KDM4C: variants seen among roughly 807,000 people sequenced by gnomAD.
KDM4C encodes lysine demethylase 4C.
KDM4C carries 81 observed loss-of-function variants against 129.3 expected under a neutral mutation model. That is an observed-to-expected ratio of 0.63 (90% CI 0.52 to 0.75). The LOEUF (loss-of-function observed/expected upper bound fraction) is 0.75. KDM4C is among the 30% of genes least tolerant of loss of function. The pLI, the probability that KDM4C is intolerant of heterozygous loss-of-function variation, is 0.00. For synonymous variants in KDM4C, 573 were observed against 456.1 expected, an observed-to-expected ratio of 1.26 and a Z score of -3.26; for missense variants, 1,457 against 1,304.0, an observed-to-expected ratio of 1.12 and a Z score of -1.81.
At chr9:6,777,192 C>G (rs1334652689) in intron 1 of KDM4C, among the ~76,000 whole-genome samples, 4 of 152,142 alleles carry the variant, frequency 2.6e-5, no homozygotes, top group Non-Finnish European at 4.4e-5. Flanking sequence ...GGGAAGAATT[C>G]TTTTTATTAA....
chr9:6,737,540 T>C lies in KDM4C; in HGVS notation c.49+16543T>C, dbSNP rs189937010. Among the ~76,000 whole-genome samples the C allele has an allele frequency of 9.8e-3, 1,493 of 151,574 alleles. 26 individuals carry two copies. Among genetic ancestry groups the C allele is most frequent in the African/African-American group, 0.034 (1,423 of 41,274 alleles). ...TTAGCTGGGCATGGTGGCAGGCACC[T>C]GTAATCCCAGTTACTTGGGAGCCTG... On this transcript the variant is annotated intron_variant, in intron 1 of 17. Transcript: ENST00000536108.
At chr9:6,966,271 C>G (rs983946713) in intron 8 of KDM4C, among the ~76,000 whole-genome samples, 5 of 152,116 alleles carry the variant, frequency 3.3e-5, no homozygotes, top group African/African-American at 9.7e-5. Context: ...CAAGCTCCGC[C>G]TTCCAGGTTC....
At chr9:6,941,112 C>T (rs1334836048) in intron 8 of KDM4C, among the ~76,000 whole-genome samples, 2 of 151,904 alleles carry the variant, frequency 1.3e-5, no homozygotes, top group South Asian at 4.2e-4. Flanking sequence ...CTCACTGCAA[C>T]CTCTGCCTCT....
At chr9:6,790,987 C>A (rs928497418) in intron 1 of KDM4C, among the ~76,000 whole-genome samples, 3 of 152,210 alleles carry the variant, frequency 2.0e-5, no homozygotes, top group African/African-American at 7.2e-5. Context: ...AAACTCCTGT[C>A]CGTTCCAGCG....
intron 18 of KDM4C, among the ~76,000 whole-genome samples, chr9:7,113,835 C>G (rs1838603598): frequency 6.6e-6 from 1 of 152,170 alleles, no homozygotes; most frequent in African/African-American, 2.4e-5. Context: ...AAGGCTCGTG[C>G]TGGAGAGCAT....
At chr9:7,025,522 A>G (rs1291998586) in intron 15 of KDM4C, among the ~76,000 whole-genome samples, 1 of 152,032 alleles carries the variant, frequency 6.6e-6, no homozygotes, top group African/African-American at 2.4e-5. Context: ...GGTATATGTT[A>G]TATGGTTTTT....
At chr9:6,924,086 C>A (rs1822036379) in intron 8 of KDM4C, among the ~76,000 whole-genome samples, 1 of 152,098 alleles carries the variant, frequency 6.6e-6, no homozygotes, top group Non-Finnish European at 1.5e-5. Context: ...ATATGGTAAT[C>A]CAGAATCCTT....
At chr9:6,738,292 C>G (rs1817591263) in intron 1 of KDM4C, among the ~76,000 whole-genome samples, 1 of 152,076 alleles carries the variant, frequency 6.6e-6, no homozygotes, top group African/African-American at 2.4e-5. Flanking sequence ...GCCTGACCAA[C>G]ATGGAGAAAC....
At position 6,776,666 on chromosome 9, in the gene KDM4C, G is replaced by C. The variant is rs549839228; in HGVS notation, c.-17-16306G>C. Among the ~76,000 whole-genome samples, 23 of 140,966 alleles carry C rather than the reference G, an allele frequency of 1.6e-4. No homozygotes were observed. In the South Asian group the frequency reaches 4.8e-3, roughly 29 times the overall value. The allele number at this position is 140,966 out of a possible 152,430, so 92.5% of individuals were successfully genotyped here. On this transcript the variant is annotated intron_variant, in intron 1 of 21. Transcript: ENST00000381309. ...TTTGACCAGGCTGGAGTGCAATGGC[G>C]CTATCTCAGCTCACTGCAACCTCCA...
intron 15 of KDM4C, among the ~76,000 whole-genome samples, chr9:7,020,060 C>G (rs1216319405): frequency 1.3e-5 from 2 of 152,022 alleles, no homozygotes; most frequent in Non-Finnish European, 2.9e-5. Flanking sequence ...CTCATCATTT[C>G]TAAAGATTAG....
intron 1 of KDM4C, among the ~76,000 whole-genome samples, chr9:6,776,055 C>T (rs930072656): frequency 2.0e-5 from 3 of 152,118 alleles, no homozygotes; most frequent in Non-Finnish European, 4.4e-5. Context: ...TTGTGCGTTC[C>T]GTATATCCCA....
At chr9:6,847,538 C>A (rs1478552345) in intron 4 of KDM4C, among the ~76,000 whole-genome samples, 2 of 152,034 alleles carry the variant, frequency 1.3e-5, no homozygotes, top group Admixed American at 6.6e-5. Context: ...CTACAGACGC[C>A]CGCCACCAGG....
chr9:6,958,138 A>C (rs1048329221), intron 8 of KDM4C, among the ~76,000 whole-genome samples: 6 of 151,828 alleles, frequency 4.0e-5, no homozygotes, highest in African/African-American at 1.5e-4. Flanking sequence ...GCAGGGACAG[A>C]AAGTTTTTCT....
chr9:6,935,341 G>GT (rs137959784), intron 8 of KDM4C, among the ~76,000 whole-genome samples: 38,846 of 151,786 alleles, frequency 0.26, 5,413 homozygotes, highest in South Asian at 0.4. Context: ...ATTTTCAAAT[G>GT]TTTGATTTTT....
At chr9:7,110,390 T>C (rs999516426) in intron 18 of KDM4C, among the ~76,000 whole-genome samples, 1 of 152,258 alleles carries the variant, frequency 6.6e-6, no homozygotes, top group Non-Finnish European at 1.5e-5. Flanking sequence ...CATGTTGATA[T>C]ATCCAATTCT....
intron 8 of KDM4C, among the ~76,000 whole-genome samples, chr9:6,960,790 A>G (rs140792307): frequency 1.3e-5 from 2 of 152,264 alleles, no homozygotes; most frequent in African/African-American, 4.8e-5. Context: ...CTTCAGCAAT[A>G]TTGTCATTTT....
chr9:6,880,119 G>T lies in KDM4C; in HGVS notation c.679+58G>T, dbSNP rs1009421367. On this transcript the variant is annotated intron_variant, in intron 6 of 21. Transcript: ENST00000381309. ...TTTTATATGTTTCTGTGTTTTGTAG[G>T]TTCTTTGTTTTTGAGGTACTTTTTA... 8.1e-5 allele frequency: 94 copies of T among 1,162,234 alleles called. No individual in the cohort carries two copies. In the Middle Eastern group the frequency reaches 1.5e-3, roughly 18 times the overall value. 72.0% of individuals were successfully genotyped at this position (1,162,234 alleles called of 1,614,324 possible).
rs1476281284 is a variant in KDM4C at position 6,893,141 on chromosome 9, A to G, written c.830A>G (p.Tyr277Cys). Residue 277 changes from tyrosine (Y) to cysteine (C), a missense_variant, in exon 8 of 22, where the codon TAC becomes TGC. Physicochemically the swap from Tyr to Cys is radical, Grantham distance 194. Coordinates refer to ENST00000381309, the MANE Select transcript of KDM4C (RefSeq NM_015061.6). ...TTCATGATCACTTTCCCATATGGCT[A>G]CCATGCTGGTTTTAATCATGGTTTC... ...GEFMITFPYG[Y>C]HAGFNHGFNC... The G allele has an allele frequency of 6.2e-7, 1 of 1,603,106 alleles. No individual in the cohort carries two copies. Among genetic ancestry groups the G allele is most frequent in the Non-Finnish European group, 8.5e-7 (1 of 1,174,390 alleles).
At chr9:6,955,282 T>C (rs971346371) in intron 8 of KDM4C, among the ~76,000 whole-genome samples, 3 of 152,170 alleles carry the variant, frequency 2.0e-5, no homozygotes, top group Non-Finnish European at 4.4e-5. Flanking sequence ...GTTCCTTAGG[T>C]GGGGTAAGGC....
Sources: gnomAD v4.1 joint callset for allele counts (sites outside exome capture counted in the v4.1 genomes callset) on GRCh38, gnomAD v4.1.1 for gene constraint, MANE v1.5 for transcripts, NCBI Gene and HGNC (gene_info 2026-07-23, HGNC 2026-07-21) for gene names.